The following ABI2 variants were observed in gnomAD, a reference collection of about 807,000 sequenced individuals.
ABI2 encodes the protein abelson interactor 2.
ABI2 carries 25 observed loss-of-function variants against 59.2 expected under a neutral mutation model. That is an observed-to-expected ratio of 0.42 (90% confidence interval 0.31 to 0.59). The LOEUF (loss-of-function observed/expected upper bound fraction) is 0.59. Ranked by LOEUF, ABI2 falls within the 20% of genes least tolerant of loss-of-function variation. The pLI is 0.14. For missense variants in ABI2, 545 were observed against 681.8 expected, an observed-to-expected ratio of 0.80 and a Z score of 2.23; for synonymous variants, 213 against 235.5, an observed-to-expected ratio of 0.90 and a Z score of 0.87.
At chr2:203,374,987 T>C in intron 2 of ABI2, 1 of 341,172 alleles carries the variant, frequency 2.9e-6, no homozygotes, top group Non-Finnish European at 6.5e-6. Flanking sequence ...GTGCTTGGGT[T>C]CATGAGGGAG....
At chr2:203,358,293 C>T (rs2092716610) in intron 1 of ABI2, among the ~76,000 whole-genome samples, 1 of 152,008 alleles carries the variant, frequency 6.6e-6, no homozygotes, top group African/African-American at 2.4e-5. Context: ...CCATGCCTGG[C>T]AAGTTTTTAA....
chr2:203,349,273 G>T (rs561432923), intron 1 of ABI2, among the ~76,000 whole-genome samples: 4 of 152,018 alleles, frequency 2.6e-5, no homozygotes, highest in Non-Finnish European at 4.4e-5. Flanking sequence ...ACTTTAGTGT[G>T]TTTTTTCCAC....
intron 1 of ABI2, among the ~76,000 whole-genome samples, chr2:203,346,830 TTTATC>T (rs556393123): frequency 2.5e-4 from 38 of 152,200 alleles, no homozygotes; most frequent in Non-Finnish European, 4.6e-4. Flanking sequence ...ATGTCATTCC[TTTATC>T]TTATCTTATA....
intron 9 of ABI2, among the ~76,000 whole-genome samples, chr2:203,409,084 C>T (rs538217843): frequency 1.1e-4 from 17 of 151,080 alleles, no homozygotes; most frequent in Non-Finnish European, 2.1e-4. Flanking sequence ...ATGATCCACC[C>T]GCCTCGGCCT....
chr2:203,392,799 GTT>G (rs904097858), intron 5 of ABI2, among the ~76,000 whole-genome samples: 1 of 152,100 alleles, frequency 6.6e-6, no homozygotes, highest in Non-Finnish European at 1.5e-5. Context: ...TTGTTTTCAA[GTT>G]TTGAAGATTT....
intron 1 of ABI2, among the ~76,000 whole-genome samples, chr2:203,349,978 T>C (rs1168773026): frequency 6.6e-6 from 1 of 152,192 alleles, no homozygotes; most frequent in Admixed American, 6.6e-5. Context: ...GCCAGCCTGT[T>C]TTCCCAGGTA....
chr2:203,416,937 G>C lies in ABI2; in HGVS notation c.1309G>C (p.Val437Leu). Residue 437 changes from valine to leucine, a missense_variant, in exon 11 of 12, where the codon GTG becomes CTG. Around this residue, in one of 4 missense-constraint regions of ABI2, gnomAD observed 410 missense variants for 435.6 expected, o/e 0.94. Transcript: ENST00000261018. ...AGATACACCACCTCCACCGCCACCTGTGGAAGAACCAGTCTTTGATGAGTC... is the reference window on the plus strand; with the variant it reads ...AGATACACCACCTCCACCGCCACCTCTGGAAGAACCAGTCTTTGATGAGTC... ...ISDTPPPPPP[V>L]EEPVFDESPP... The C allele has an allele frequency of 6.2e-7, 1 of 1,613,584 alleles. No individual in the cohort carries two copies. The highest frequency in any genetic ancestry group is 1.1e-5 in the South Asian group (1 of 90,946).
chr2:203,335,926 T>C (rs2076239957), intron 1 of ABI2, among the ~76,000 whole-genome samples: 1 of 152,202 alleles, frequency 6.6e-6, no homozygotes, highest in Non-Finnish European at 1.5e-5. Flanking sequence ...TGTAAAATTT[T>C]CCTTGTACCC....
intron 1 of ABI2, among the ~76,000 whole-genome samples, chr2:203,331,712 C>G (rs2073682596): frequency 6.6e-6 from 1 of 151,680 alleles, no homozygotes; most frequent in African/African-American, 2.4e-5. Flanking sequence ...AGTTAACTAA[C>G]CCAACACTCA....
chr2:203,360,820 A>G (rs2093384880), intron 1 of ABI2, among the ~76,000 whole-genome samples: 1 of 152,218 alleles, frequency 6.6e-6, no homozygotes, highest in Admixed American at 6.5e-5. Context: ...AGTTTAGAAC[A>G]TTGACTCAAC....
chr2:203,419,668 C>T (rs911707431), intron 11 of ABI2, among the ~76,000 whole-genome samples: 19 of 152,062 alleles, frequency 1.2e-4, no homozygotes, highest in African/African-American at 3.9e-4. Flanking sequence ...TGAGCCACTG[C>T]GCCCAGCCTG....
chr2:203,411,125 T>C (rs1035678701), intron 9 of ABI2, among the ~76,000 whole-genome samples, 160 bp from the exon 10 acceptor site: 1 of 152,188 alleles, frequency 6.6e-6, no homozygotes, highest in Admixed American at 6.5e-5. Flanking sequence ...TTTGTTTGTG[T>C]TAATGAGTTG....
intron 8 of ABI2, among the ~76,000 whole-genome samples, chr2:203,397,891 A>G (rs1348786331): frequency 6.6e-6 from 1 of 152,180 alleles, no homozygotes; most frequent in African/African-American, 2.4e-5. Context: ...TTGCAAGAAC[A>G]GCTCCAAGGG....
intron 1 of ABI2, among the ~76,000 whole-genome samples, chr2:203,333,708 A>C (rs1307771537): frequency 1.3e-5 from 2 of 152,160 alleles, no homozygotes; most frequent in Non-Finnish European, 1.5e-5. Context: ...GATTGCAAAA[A>C]CAGGCTAATT....
At chr2:203,343,385 T>G (rs1358022855) in intron 1 of ABI2, among the ~76,000 whole-genome samples, 1 of 152,190 alleles carries the variant, frequency 6.6e-6, no homozygotes, top group African/African-American at 2.4e-5. Flanking sequence ...AAATTTAATG[T>G]TAGCAGGTTA....
intron 1 of ABI2, among the ~76,000 whole-genome samples, chr2:203,341,306 T>G (rs1349849102): frequency 2.6e-5 from 4 of 152,226 alleles, no homozygotes; most frequent in South Asian, 2.1e-4. Flanking sequence ...CTCTTACTCA[T>G]TTCCAGTACC....
chr2:203,391,229 A>G, intron 5 of ABI2, 86 bp downstream of exon 5: 1 of 926,458 alleles, frequency 1.1e-6, no homozygotes, highest in East Asian at 3.0e-5. Flanking sequence ...TTTTTTGAAT[A>G]TTTGAAGAGA....
At chr2:203,344,568 T>TTGTTG (rs1553537901) in intron 1 of ABI2, among the ~76,000 whole-genome samples, 1 of 12,582 alleles carries the variant, frequency 7.9e-5, no homozygotes, top group African/African-American at 1.1e-4. Context: ...GTTGTTTTTG[T>TTGTTG]TTTTTTTTTT....
At chr2:203,393,693 C>T (rs181765674) in intron 5 of ABI2, among the ~76,000 whole-genome samples, 6 of 152,248 alleles carry the variant, frequency 3.9e-5, no homozygotes, top group African/African-American at 1.4e-4. Context: ...ACTCTGGGAT[C>T]CATACATAAG....
Sources: allele counts gnomAD v4.1 joint callset (sites outside exome capture counted in the v4.1 genomes callset), GRCh38; gene constraint gnomAD v4.1.1; regional missense constraint gnomAD v4.1.1; transcripts MANE v1.5; gene names NCBI Gene and HGNC (gene_info 2026-07-23, HGNC 2026-07-21).